Variants in FGF18 observed in about 807,000 individuals in gnomAD.
FGF18 encodes fibroblast growth factor 18.
A neutral mutation model predicts 23.0 loss-of-function variants in FGF18; 5 were observed. The ratio of observed to expected loss-of-function variants is 0.22; its 90% CI spans 0.11 to 0.46. FGF18 has a LOEUF of 0.46. Ranked by LOEUF, FGF18 falls within the 20% of genes least tolerant of loss-of-function variation. The pLI is 0.99. For synonymous variants in FGF18, 117 were observed against 118.9 expected (o/e 0.98, Z 0.10); for missense variants, 180 against 291.6 (o/e 0.62, Z 2.79).
chr5:171,430,113 C>A (rs932185051), intron 2 of FGF18, among the ~76,000 whole-genome samples: 5 of 152,068 alleles, frequency 3.3e-5, no homozygotes, highest in African/African-American at 1.2e-4. Context: ...AATCCCAGCA[C>A]TTTGGGAGGC....
chr5:171,444,232 T>A (rs963950822), intron 3 of FGF18, among the ~76,000 whole-genome samples: 14 of 152,144 alleles, frequency 9.2e-5, no homozygotes, highest in Non-Finnish European at 1.8e-4. Flanking sequence ...CGCTGTTCAC[T>A]CACTCGCTCC....
Position 171,436,524 on chromosome 5 carries a change from C to T in FGF18, c.250+251C>T, listed in dbSNP as rs1478307382. 1.3e-5 allele frequency among the ~76,000 whole-genome samples: 2 copies of T among 152,178 alleles called. No homozygotes were observed. Among genetic ancestry groups the T allele is most frequent in the African/African-American group, 2.4e-5 (1 of 41,430 alleles). On this transcript the variant is annotated intron_variant, in intron 3 of 4. Transcript: ENST00000274625. This position sits in a 1 kb window ranked among gnomAD's most constrained non-coding sequence, Gnocchi z 4.4. Reference sequence around the variant, plus strand: ...TTTGGCCGGTAAATGCCCCATAAGTCGCATTTGCTGTGGTATCAGTGGCTT... The same window carrying T: ...TTTGGCCGGTAAATGCCCCATAAGTTGCATTTGCTGTGGTATCAGTGGCTT...
rs1458322429 is a variant in FGF18 at position 171,449,400 on chromosome 5, T to TGTGTGTGTGTGTGA, written c.357+148_357+149insTGTGTGTGTGTGAG. 886 of 362,590 alleles carry TGTGTGTGTGTGTGA rather than the reference T, an allele frequency of 2.4e-3. 4 individuals carry two copies. Among genetic ancestry groups the TGTGTGTGTGTGTGA allele is most frequent in the Non-Finnish European group, 3.5e-3 (649 of 185,170 alleles). The allele number at this position is 362,590 out of a possible 1,614,324, so 22.5% of individuals were successfully genotyped here. ...GTGTGTGTGTGTGTGTGTGTGTGTGTGAGAGAGAGAGAGAGAGAGAGAGAC... is the reference window on the plus strand; with the variant it reads ...GTGTGTGTGTGTGTGTGTGTGTGTGTGTGTGTGTGTGTGAGAGAGAGAGAGAGAGAGAGAGAGAC... On this transcript the variant is annotated intron_variant, in intron 4 of 4. Transcript: ENST00000274625.
chr5:171,429,908 G>A (rs1009914683), intron 2 of FGF18, among the ~76,000 whole-genome samples: 3 of 152,262 alleles, frequency 2.0e-5, no homozygotes, highest in African/African-American at 4.8e-5. Context: ...TAGAAAGGAG[G>A]TGGGTGAGGA....
At chr5:171,420,365 T>C (rs1771985177) in intron 1 of FGF18, 42 bp from the exon 2 acceptor site, 2 of 1,611,562 alleles carry the variant, frequency 1.2e-6, no homozygotes, top group African/African-American at 1.3e-5. Flanking sequence ...TGCGCCCCCT[T>C]CCTCAGGTCC....
At chr5:171,423,128 G>A (rs1772042052) in intron 2 of FGF18, among the ~76,000 whole-genome samples, 1 of 152,062 alleles carries the variant, frequency 6.6e-6, no homozygotes, top group African/African-American at 2.4e-5. Context: ...ATGGGTCCCT[G>A]CCCCCAGCTA....
At chr5:171,449,332 C>T in intron 4 of FGF18, 79 bp downstream of exon 4, 1 of 886,598 alleles carries the variant, frequency 1.1e-6, no homozygotes, top group East Asian at 2.6e-5. Flanking sequence ...GTGTCCAGGG[C>T]ACTGTCAGTC....
chr5:171,450,806 T>C (rs1448844563), intron 4 of FGF18, among the ~76,000 whole-genome samples: 1 of 151,906 alleles, frequency 6.6e-6, no homozygotes, highest in African/African-American at 2.4e-5. Flanking sequence ...GGTCGTTTCC[T>C]GTGGCGGCGC....
chr5:171,428,030 G>C (rs1032303767), intron 2 of FGF18, among the ~76,000 whole-genome samples: 1 of 152,164 alleles, frequency 6.6e-6, no homozygotes, highest in South Asian at 2.1e-4. Context: ...CCCCCTGCCC[G>C]GGGGAGGCAC....
intron 2 of FGF18, among the ~76,000 whole-genome samples, chr5:171,428,956 C>T (rs1772138348): frequency 6.6e-6 from 1 of 152,196 alleles, no homozygotes; most frequent in Admixed American, 6.5e-5. Flanking sequence ...TCCTGCAGTG[C>T]CCCCCTCCCC....
intron 3 of FGF18, among the ~76,000 whole-genome samples, chr5:171,446,436 C>G (rs1772420583): frequency 6.6e-6 from 1 of 152,208 alleles, no homozygotes; most frequent in South Asian, 2.1e-4. Context: ...GTCCCTGTTA[C>G]TGGGTGCTGC....
rs867331284 is a variant in FGF18, at chr5:171,420,587, C to T, written c.69+144C>T. The T allele has an allele frequency of 8.4e-5, 66 of 787,412 alleles. No homozygotes were observed. In the Middle Eastern group the frequency reaches 1.9e-3, roughly 22 times the overall value. The allele number at this position is 787,412 out of a possible 1,614,324, so 48.8% of individuals were successfully genotyped here. On this transcript the variant is annotated intron_variant, in intron 2 of 4. Transcript: ENST00000274625. ...CACCTGTTCCCAGGGCGCGGAAGGG[C>T]GGCTCCGCGTGCGCCCTGCGCCGGC...
Position 171,456,199 on chromosome 5 carries a change from T to A in FGF18, c.358-340T>A, listed in dbSNP as rs974723960. ...CAGTTTAGCAAGGATCCCCCACTCT[T>A]GATATATGATCAGGGTCCTCATCCT... On this transcript the variant is annotated intron_variant, in intron 4 of 4. Transcript: ENST00000274625. The surrounding 1 kb of genome is among the most constrained non-coding windows in gnomAD (Gnocchi z 6.1). Among the ~76,000 whole-genome samples the A allele has an allele frequency of 3.0e-4, 46 of 152,174 alleles. No homozygotes were observed. Among genetic ancestry groups the A allele is most frequent in the Admixed American group, 2.9e-3 (45 of 15,272 alleles).
rs138730306 is a variant in FGF18 at position 171,440,273 on chromosome 5, G to A, written c.250+4000G>A. On this transcript the variant is annotated intron_variant, in intron 3 of 4. Transcript: ENST00000274625. This position sits in a 1 kb window ranked among gnomAD's most constrained non-coding sequence, Gnocchi z 4.0. ...GGCTCAGGTGAGGAACTGCCATCAG[G>A]TACTGGCTCCAGAGGCTTCCAGAAA... Among the ~76,000 whole-genome samples, 22 of 152,214 alleles carry A rather than the reference G, an allele frequency of 1.4e-4. 2 individuals carry two copies. The East Asian group carries it at 4.3e-3, about 29-fold the overall frequency.
At chr5:171,447,055 ATT>A (rs1772428828) in intron 3 of FGF18, among the ~76,000 whole-genome samples, 1 of 152,214 alleles carries the variant, frequency 6.6e-6, no homozygotes, top group South Asian at 2.1e-4. Context: ...CTTAAACAAC[ATT>A]TACTGAGTTT....
rs373169659 is a variant in FGF18, at chr5:171,451,718, G to A, written c.357+2465G>A. ...ACCGAAGGCCCTGGGGAGCCTCCCC[G>A]GGCACATGGATTCCTTATGCTCCAG... On this transcript the variant is annotated intron_variant, in intron 4 of 4. Coordinates refer to ENST00000274625, the MANE Select transcript of FGF18 (RefSeq NM_003862.3). The surrounding 1 kb of genome is among the most constrained non-coding windows in gnomAD (Gnocchi z 4.5). 5.3e-5 allele frequency among the ~76,000 whole-genome samples: 8 copies of A among 151,824 alleles called. No homozygotes were observed. The East Asian group carries it at 5.9e-4, about 11-fold the overall frequency.
intron 3 of FGF18, among the ~76,000 whole-genome samples, chr5:171,437,537 C>G (rs1265872054): frequency 6.6e-6 from 1 of 152,188 alleles, no homozygotes; most frequent in Non-Finnish European, 1.5e-5. Flanking sequence ...TTTCCCCGTT[C>G]CCCGTTTTGT....
chr5:171,424,919 C>A (rs1389909929), intron 2 of FGF18, among the ~76,000 whole-genome samples: 1 of 152,152 alleles, frequency 6.6e-6, no homozygotes, highest in Non-Finnish European at 1.5e-5. Context: ...GTGTCACCCG[C>A]TCTGAGATAA....
In FGF18 at chr5:171,430,414, A is replaced by G. The variant is rs567996742; in HGVS notation, c.70-5679A>G. ...ATAGGGTTTGTTCTGGGCATTACATAGGAAGACATCCCTCAAGAGATTCCT... is the reference window on the plus strand; with the variant it reads ...ATAGGGTTTGTTCTGGGCATTACATGGGAAGACATCCCTCAAGAGATTCCT... On this transcript the variant is annotated intron_variant, in intron 2 of 4. Transcript: ENST00000274625. 3.9e-5 allele frequency among the ~76,000 whole-genome samples: 6 copies of G among 152,166 alleles called. No homozygotes were observed. The South Asian group carries it at 1.0e-3, about 26-fold the overall frequency.
Sources: allele counts gnomAD v4.1 joint callset (sites outside exome capture counted in the v4.1 genomes callset), GRCh38; gene constraint gnomAD v4.1.1; non-coding constraint Gnocchi (gnomAD v3.1); transcripts MANE v1.5; gene names NCBI Gene and HGNC (gene_info 2026-07-23, HGNC 2026-07-21).